CEP128: variants seen among roughly 807,000 people sequenced by gnomAD.
CEP128 encodes the protein centrosomal protein 128kDa.
Under a neutral mutation model 156.7 loss-of-function variants are expected in CEP128, and 132 were observed. The ratio of observed to expected loss-of-function variants is 0.84; its 90% CI spans 0.73 to 0.97. The LOEUF (loss-of-function observed/expected upper bound fraction) is 0.97. CEP128 is among the 50% of genes least tolerant of loss of function. The pLI is 0.00. For missense variants in CEP128, 1,252 were observed against 1,281.9 expected, an observed-to-expected ratio of 0.98 and a Z score of 0.36; for synonymous variants, 469 against 448.9, an observed-to-expected ratio of 1.04 and a Z score of -0.57.
At chr14:80,602,767 G>A (rs528209295) in intron 19 of CEP128, among the ~76,000 whole-genome samples, 7 of 151,740 alleles carry the variant, frequency 4.6e-5, no homozygotes, top group South Asian at 2.1e-4. Flanking sequence ...GCAAGACTCC[G>A]TCTCAAAAAA....
intron 19 of CEP128, among the ~76,000 whole-genome samples, chr14:80,732,515 T>TGTGCGC (rs1221727101): frequency 6.8e-6 from 1 of 147,902 alleles, no homozygotes; most frequent in Non-Finnish European, 1.5e-5. Context: ...TGTGTGTGTG[T>TGTGCGC]GTGTGGTTTC....
chr14:80,872,573 T>C (rs1181718216), intron 8 of CEP128, among the ~76,000 whole-genome samples: 4 of 152,154 alleles, frequency 2.6e-5, no homozygotes, highest in Non-Finnish European at 5.9e-5. Flanking sequence ...GAAAGTGAAA[T>C]TGGCAAGAAA....
chr14:80,906,582 A>G (rs1256496103), intron 4 of CEP128, among the ~76,000 whole-genome samples: 1 of 152,192 alleles, frequency 6.6e-6, no homozygotes, highest in East Asian at 1.9e-4. Context: ...TCAGTCATTC[A>G]AAGACTTCAA....
intron 18 of CEP128, among the ~76,000 whole-genome samples, chr14:80,749,328 C>G (rs1899270060): frequency 6.6e-6 from 1 of 152,168 alleles, no homozygotes; most frequent in Admixed American, 6.5e-5. Context: ...GTCTGCGCTC[C>G]CACATTTGTT....
chr14:80,690,617 C>A (rs1187434759), intron 19 of CEP128, among the ~76,000 whole-genome samples: 1 of 152,014 alleles, frequency 6.6e-6, no homozygotes, highest in African/African-American at 2.4e-5. Context: ...AAATATATTT[C>A]TTTTCATATG....
chr14:80,638,587 T>C (rs1292417491), intron 19 of CEP128, among the ~76,000 whole-genome samples: 1 of 152,202 alleles, frequency 6.6e-6, no homozygotes, highest in African/African-American at 2.4e-5. Context: ...TGTATTCTAC[T>C]CTAGAACACT....
chr14:80,559,877 G>A (rs1033791564), intron 20 of CEP128, among the ~76,000 whole-genome samples: 3 of 152,200 alleles, frequency 2.0e-5, no homozygotes, highest in Admixed American at 6.5e-5. Context: ...ATCTTAGAAT[G>A]TTTATAGAAG....
At chr14:80,661,202 C>T (rs975055812) in intron 19 of CEP128, among the ~76,000 whole-genome samples, 4 of 152,052 alleles carry the variant, frequency 2.6e-5, no homozygotes, top group South Asian at 2.1e-4. Flanking sequence ...AACGTGCTCC[C>T]CCCCACAGAA....
At chr14:80,794,189 G>A (rs1057315117) in intron 13 of CEP128, among the ~76,000 whole-genome samples, 7 of 152,146 alleles carry the variant, frequency 4.6e-5, no homozygotes, top group Admixed American at 1.3e-4. Flanking sequence ...CCGGACAAAT[G>A]AAACTAGAAA....
intron 19 of CEP128, among the ~76,000 whole-genome samples, chr14:80,633,181 T>G (rs1894035317): frequency 6.6e-6 from 1 of 152,030 alleles, no homozygotes; most frequent in African/African-American, 2.4e-5. Flanking sequence ...GAGCCGTGAC[T>G]GCCACCACTA....
intron 8 of CEP128, among the ~76,000 whole-genome samples, chr14:80,863,397 A>C (rs1887612631): frequency 6.6e-6 from 1 of 152,218 alleles, no homozygotes; most frequent in Admixed American, 6.5e-5. Flanking sequence ...GCTAAAAATA[A>C]AACAAGCTAT....
intron 19 of CEP128, among the ~76,000 whole-genome samples, chr14:80,673,725 A>C (rs1416190716): frequency 1.3e-5 from 2 of 150,044 alleles, no homozygotes; most frequent in African/African-American, 4.9e-5. Flanking sequence ...CTTACAACCT[A>C]TAATCCTGGT....
intron 19 of CEP128, among the ~76,000 whole-genome samples, chr14:80,682,289 A>G (rs1043292014): frequency 6.6e-6 from 1 of 152,232 alleles, no homozygotes; most frequent in Non-Finnish European, 1.5e-5. Flanking sequence ...GAAAAACTCA[A>G]AGAATTTCAA....
chr14:80,813,769 T>A (rs551650841), intron 13 of CEP128, among the ~76,000 whole-genome samples: 60 of 152,246 alleles, frequency 3.9e-4, no homozygotes, highest in African/African-American at 1.4e-3. Flanking sequence ...AATAAGAGCA[T>A]TACTGTTTTC....
intron 19 of CEP128, among the ~76,000 whole-genome samples, chr14:80,628,275 A>G (rs1018340418): frequency 3.9e-5 from 6 of 152,206 alleles, no homozygotes; most frequent in African/African-American, 1.4e-4. Flanking sequence ...CTATTCTTAG[A>G]AACATCCCAT....
chr14:80,693,328 C>T (rs553726061), intron 19 of CEP128, among the ~76,000 whole-genome samples: 16 of 152,130 alleles, frequency 1.1e-4, no homozygotes, highest in South Asian at 4.2e-4. Flanking sequence ...GGAAAGAAAA[C>T]GACATCTACA....
chr14:80,958,835 T>C (rs1220581534), intron 1 of CEP128, among the ~76,000 whole-genome samples: 1 of 152,192 alleles, frequency 6.6e-6, no homozygotes, highest in Non-Finnish European at 1.5e-5. Flanking sequence ...TTTGTATTAT[T>C]CAGAGTGTAC....
intron 13 of CEP128, among the ~76,000 whole-genome samples, chr14:80,811,761 C>T (rs2139947738): frequency 6.7e-6 from 1 of 148,580 alleles, no homozygotes; most frequent in South Asian, 2.1e-4. Context: ...GGTAACAGTC[C>T]TTTGGTTATT....
intron 2 of CEP128, among the ~76,000 whole-genome samples, chr14:80,957,466 C>CAA (rs11305793): frequency 3.5e-5 from 5 of 144,296 alleles, no homozygotes; most frequent in Non-Finnish European, 7.6e-5. Context: ...TCAGAAAAAA[C>CAA]AAAAAAAAAA....
Sources: gnomAD v4.1 joint callset for allele counts (sites outside exome capture counted in the v4.1 genomes callset) on GRCh38, gnomAD v4.1.1 for gene constraint, MANE v1.5 for transcripts, NCBI Gene and HGNC (gene_info 2026-07-23, HGNC 2026-07-21) for gene names.